COG4: variants seen among roughly 807,000 people sequenced by gnomAD.
COG4 encodes the protein conserved oligomeric Golgi complex subunit 4.
A neutral mutation model predicts 95.1 loss-of-function variants in COG4; 65 were observed. That is an observed-to-expected ratio of 0.68 (90% CI 0.56 to 0.84). The LOEUF is 0.84. Ranked by LOEUF, COG4 falls within the 40% of genes least tolerant of loss-of-function variation. The pLI is 0.00. For synonymous variants in COG4, 421 were observed against 374.8 expected (o/e 1.12, Z -1.42); for missense variants, 1,045 against 989.1 (o/e 1.06, Z -0.76).
chr16:70,520,470 A>C (rs2049917873), intron 1 of COG4, among the ~76,000 whole-genome samples: 1 of 151,044 alleles, frequency 6.6e-6, no homozygotes, highest in South Asian at 2.1e-4. Flanking sequence ...AAAACAAAAA[A>C]CAAAAAACAA....
chr16:70,482,434 G>C (rs189831942), intron 15 of COG4: 52 of 609,208 alleles, frequency 8.5e-5, no homozygotes, highest in Non-Finnish European at 1.2e-4. Flanking sequence ...TGTTCTACAG[G>C]AATGAAATCA....
In COG4 at chr16:70,483,969, T is replaced by C; in HGVS notation, c.1711A>G (p.Ser571Gly). Residue 571 changes from serine to glycine, a missense_variant and splice_region_variant, in exon 14 of 19, where the codon AGT becomes GGT. Physicochemically the swap from Ser to Gly is moderately conservative, Grantham distance 56. Transcript: ENST00000323786. ...TGGCTGAAGAGCTTGGTGCAGTCAC[T>C]CTAGGGGAGAACACTGCTGTAAGAC... Reference protein sequence around the residue: ...NISTLKKTLESDCTKLFSQGI... With the variant: ...NISTLKKTLEGDCTKLFSQGI... The C allele has an allele frequency of 2.5e-6, 4 of 1,609,376 alleles. No homozygotes were observed. Among genetic ancestry groups the C allele is most frequent in the Non-Finnish European group, 3.4e-6 (4 of 1,177,636 alleles).
chr16:70,521,011 C>G (rs1469156175), intron 1 of COG4, among the ~76,000 whole-genome samples: 2 of 152,126 alleles, frequency 1.3e-5, no homozygotes, highest in Non-Finnish European at 2.9e-5. Flanking sequence ...CCCCAGCCCC[C>G]CAAATATCTG....
At chr16:70,481,963 G>C in intron 16 of COG4, 98 bp from the exon 17 acceptor site, 1 of 1,356,560 alleles carries the variant, frequency 7.4e-7, no homozygotes, top group Non-Finnish European at 1.1e-6. Context: ...AGGCCACGGG[G>C]GAGTTTCTAC....
chr16:70,493,070 T>C (rs1382695459), intron 12 of COG4, among the ~76,000 whole-genome samples: 2 of 152,198 alleles, frequency 1.3e-5, no homozygotes, highest in African/African-American at 4.8e-5. Context: ...GAAGGTTCCA[T>C]GACAGGGTTG....
chr16:70,519,147 T>C lies in COG4; in HGVS notation c.254+502A>G, dbSNP rs1277844992. On this transcript the variant is annotated intron_variant, in intron 2 of 18. Transcript: ENST00000323786. The stretch of plus-strand genomic sequence containing the variant: ...TTTTTTTTTTTTTTTTGAGACGGAG[T>C]CTCGCTCTGTTGCCCAGGCCAGACT... Among the ~76,000 whole-genome samples the C allele has an allele frequency of 6.0e-5, 2 of 33,238 alleles. 1 individual carries two copies. Among genetic ancestry groups the C allele is most frequent in the Non-Finnish European group, 9.1e-5 (2 of 22,082 alleles). The allele number at this position is 33,238 out of a possible 152,430, so 21.8% of individuals were successfully genotyped here.
At chr16:70,482,333 G>A in intron 15 of COG4, 158 bp from the exon 16 acceptor site, 1 of 699,756 alleles carries the variant, frequency 1.4e-6, no homozygotes. Context: ...ACCCAGGCTG[G>A]CAGAAACTGA....
At chr16:70,501,691 T>TACA (rs1486650049) in intron 8 of COG4, 1 of 156,458 alleles carries the variant, frequency 6.4e-6, no homozygotes, top group Non-Finnish European at 1.4e-5. Context: ...CTTGCTCTGT[T>TACA]GCCCAGGCTG....
rs754161876 is a variant in COG4 at position 70,509,940 on chromosome 16, C to G, written c.820G>C (p.Asp274His). ...CCTTCAAACAGAAGAGTAAGTGTATCTGCAAAGATGACTGCAGCTCTCCGA... is the reference window on the plus strand; with the variant it reads ...CCTTCAAACAGAAGAGTAAGTGTATGTGCAAAGATGACTGCAGCTCTCCGA... ...SDRRAAVIFA[D>H]TLTLLFEGIA... Residue 274 changes from aspartate to histidine, a missense_variant, in exon 6 of 19, where the codon GAT becomes CAT. Asp to His is a moderately conservative substitution (Grantham distance 81). Transcript: ENST00000323786. 9.3e-6 allele frequency: 15 copies of G among 1,613,808 alleles called. No homozygotes were observed. In the African/African-American group the frequency reaches 1.5e-4, roughly 16 times the overall value.
rs2049994630 is a variant in COG4 at position 70,523,340 on chromosome 16, C to A, written c.171+33G>T. ...CTGAAGGCTCCCACTCTCCCTAGAT[C>A]CTCCATGAAAAAGAAGAGGCTCGAC... On this transcript the variant is annotated intron_variant, in intron 1 of 18. Transcript: ENST00000323786. 4 of 1,613,434 alleles carry A rather than the reference C, an allele frequency of 2.5e-6. No homozygotes were observed. In the African/African-American group the frequency reaches 5.3e-5, roughly 22 times the overall value.
intron 14 of COG4, 44 bp downstream of exon 14, chr16:70,483,809 C>T: frequency 7.0e-7 from 1 of 1,421,660 alleles, no homozygotes; most frequent in Non-Finnish European, 9.9e-7. Context: ...CTCAGAGCAA[C>T]ACACAGGCAC....
intron 16 of COG4, 23 bp downstream of exon 16, chr16:70,482,069 G>A: frequency 6.3e-7 from 1 of 1,586,836 alleles, no homozygotes; most frequent in Non-Finnish European, 8.7e-7. Context: ...TTCCCTAAGT[G>A]GATCCCTAGG....
chr16:70,484,367 G>A (rs748998736), intron 13 of COG4, among the ~76,000 whole-genome samples: 14 of 152,162 alleles, frequency 9.2e-5, no homozygotes, highest in Non-Finnish European at 1.9e-4. Flanking sequence ...GAAGCACAAC[G>A]TGCCTAGCTC....
At position 70,497,943 on chromosome 16, in the gene COG4, G is replaced by A; in HGVS notation, c.1308C>T (p.Val436=). The A allele has an allele frequency of 6.4e-7, 1 of 1,572,528 alleles. No homozygotes were observed. Among genetic ancestry groups the A allele is most frequent in the Non-Finnish European group, 8.8e-7 (1 of 1,142,258 alleles). The change falls in exon 10 of 19, where the codon GTC becomes GTT. Residue 436 remains valine, a synonymous_variant. Coordinates refer to ENST00000323786, the MANE Select transcript of COG4 (RefSeq NM_015386.3). ...TMEEYFMRET[V]NKAVALDTYE... ...GATGCGTCCTATGTCCTACCTTATT[G>A]ACAGTCTCCCTCATGAAGTACTCCT...
At chr16:70,483,658 G>C (rs767620274) in intron 14 of COG4, among the ~76,000 whole-genome samples, 195 bp downstream of exon 14, 1 of 152,182 alleles carries the variant, frequency 6.6e-6, no homozygotes, top group African/African-American at 2.4e-5. Flanking sequence ...TGGCTTGTCA[G>C]TGTGACAACT....
intron 13 of COG4, among the ~76,000 whole-genome samples, chr16:70,485,810 C>A (rs941939072): frequency 2.5e-4 from 38 of 151,948 alleles, no homozygotes; most frequent in African/African-American, 8.7e-4. Context: ...GTCTTGAACT[C>A]CTGACTGCAG....
At chr16:70,487,598 T>C (rs1353544223) in intron 13 of COG4, among the ~76,000 whole-genome samples, 3 of 151,978 alleles carry the variant, frequency 2.0e-5, no homozygotes, top group African/African-American at 7.2e-5. Context: ...AAACCAACAA[T>C]GATGACAGCC....
chr16:70,518,783 C>T (rs1481905372), intron 2 of COG4, among the ~76,000 whole-genome samples: 1 of 151,962 alleles, frequency 6.6e-6, no homozygotes, highest in Non-Finnish European at 1.5e-5. Flanking sequence ...TTGAGACCAG[C>T]CTGGCCAACA....
intron 15 of COG4, chr16:70,482,378 C>T (rs765007662): frequency 3.9e-5 from 25 of 645,112 alleles, no homozygotes; most frequent in Non-Finnish European, 6.7e-5. Flanking sequence ...CAGTGGCCCA[C>T]ATAACATGGT....
Sources: allele counts gnomAD v4.1 joint callset (sites outside exome capture counted in the v4.1 genomes callset), GRCh38; gene constraint gnomAD v4.1.1; transcripts MANE v1.5; gene names NCBI Gene and HGNC (gene_info 2026-07-23, HGNC 2026-07-21).